Variants in PHF14 observed in about 807,000 individuals in gnomAD.
PHF14 encodes the protein PHD finger protein 14.
In PHF14, 55 loss-of-function variants were observed where a neutral mutation model predicts 117.9. The ratio of observed to expected loss-of-function variants is 0.47; its 90% CI spans 0.38 to 0.58. PHF14 has a LOEUF of 0.58. Ranked by LOEUF, PHF14 falls within the 20% of genes least tolerant of loss-of-function variation. PHF14 has a pLI of 0.00. For missense variants in PHF14, 978 were observed against 1,122.2 expected, an observed-to-expected ratio of 0.87 and a Z score of 1.84; for synonymous variants, 409 against 368.6, an observed-to-expected ratio of 1.11 and a Z score of -1.26.
intron 3 of PHF14, 101 bp downstream of exon 3, chr7:10,983,260 T>A (rs1469739885): frequency 2.4e-5 from 32 of 1,340,140 alleles, no homozygotes; most frequent in Non-Finnish European, 3.1e-5. Context: ...GAAATCCTAT[T>A]TATAGACGGC....
chr7:11,114,808 G>A (rs984551312), intron 17 of PHF14, among the ~76,000 whole-genome samples: 20 of 151,778 alleles, frequency 1.3e-4, no homozygotes, highest in African/African-American at 4.4e-4. Context: ...ATACCTTCTC[G>A]CATAGGCTAT....
intron 4 of PHF14, among the ~76,000 whole-genome samples, chr7:11,010,351 A>G (rs1010017174): frequency 6.6e-6 from 1 of 152,102 alleles, no homozygotes; most frequent in African/African-American, 2.4e-5. Flanking sequence ...GGTGATGAAG[A>G]TGATGATTGC....
At chr7:11,158,358 T>C (rs1167711823) in intron 17 of PHF14, among the ~76,000 whole-genome samples, 2 of 152,094 alleles carry the variant, frequency 1.3e-5, no homozygotes, top group Non-Finnish European at 2.9e-5. Context: ...TAGATTGAGT[T>C]TGTGCCTTAA....
At chr7:11,167,930 G>C (rs1789250033) in intron 17 of PHF14, among the ~76,000 whole-genome samples, 3 of 151,758 alleles carry the variant, frequency 2.0e-5, no homozygotes, top group East Asian at 3.9e-4. Flanking sequence ...GGAGGCTGAG[G>C]CAGGAGAATG....
At chr7:11,092,561 A>G (rs1198771056) in intron 16 of PHF14, among the ~76,000 whole-genome samples, 4 of 151,828 alleles carry the variant, frequency 2.6e-5, no homozygotes, top group African/African-American at 7.3e-5. Context: ...GAAGATTCCA[A>G]TCAGTAGGTG....
intron 17 of PHF14, among the ~76,000 whole-genome samples, chr7:11,146,794 G>A (rs932112242): frequency 6.6e-6 from 1 of 152,044 alleles, no homozygotes; most frequent in African/African-American, 2.4e-5. Flanking sequence ...TACAATAAAT[G>A]CAATTGACTC....
chr7:11,038,885 C>A, intron 11 of PHF14, 30 bp downstream of exon 11: 1 of 1,030,832 alleles, frequency 9.7e-7, no homozygotes, highest in Non-Finnish European at 1.5e-6. Flanking sequence ...CTGTCTCCTT[C>A]AGTTCTTGCT....
At chr7:11,151,124 T>C (rs1788690709) in intron 17 of PHF14, among the ~76,000 whole-genome samples, 1 of 152,184 alleles carries the variant, frequency 6.6e-6, no homozygotes, top group South Asian at 2.1e-4. Flanking sequence ...ATTTTCTGAG[T>C]AATTGTTGAA....
At chr7:11,063,256 C>G (rs752121185) in intron 16 of PHF14, 37 of 984,362 alleles carry the variant, frequency 3.8e-5, no homozygotes, top group Non-Finnish European at 4.2e-5. Flanking sequence ...TGGGAGCTAT[C>G]CTGAAGGTTA....
chr7:11,155,782 T>A (rs80264667), intron 17 of PHF14, among the ~76,000 whole-genome samples: 1 of 152,032 alleles, frequency 6.6e-6, no homozygotes, highest in Non-Finnish European at 1.5e-5. Flanking sequence ...TGTTTTTTTT[T>A]AGCAACTAGC....
At chr7:10,975,552 C>T (rs1238214359) in intron 2 of PHF14, among the ~76,000 whole-genome samples, 1 of 152,106 alleles carries the variant, frequency 6.6e-6, no homozygotes, top group Non-Finnish European at 1.5e-5. Context: ...TTGTACTAAA[C>T]TGGAAAACAG....
At chr7:11,085,508 A>G (rs534938248) in intron 16 of PHF14, among the ~76,000 whole-genome samples, 3 of 152,312 alleles carry the variant, frequency 2.0e-5, no homozygotes, top group East Asian at 3.9e-4. Flanking sequence ...TCTATTGTAG[A>G]TGTCAGTGGT....
intron 4 of PHF14, among the ~76,000 whole-genome samples, chr7:10,997,858 T>C (rs1298637754): frequency 3.9e-5 from 6 of 152,166 alleles, no homozygotes; most frequent in Non-Finnish European, 8.8e-5. Flanking sequence ...TATAATCTAA[T>C]ATTGGTAGTG....
chr7:11,040,862 G>A (rs1483912069), intron 12 of PHF14, 87 bp downstream of exon 12: 5 of 617,050 alleles, frequency 8.1e-6, no homozygotes, highest in Non-Finnish European at 1.3e-5. Context: ...GCAAATATTT[G>A]AGAATGAATT....
chr7:11,090,012 T>G (rs957720160), intron 16 of PHF14, among the ~76,000 whole-genome samples: 38 of 152,144 alleles, frequency 2.5e-4, no homozygotes, highest in African/African-American at 9.2e-4. Context: ...CTCAGGTGAT[T>G]CGCCCGCCTT....
chr7:10,974,623 A>G (rs1281364107), intron 1 of PHF14, among the ~76,000 whole-genome samples: 1 of 152,214 alleles, frequency 6.6e-6, no homozygotes, highest in African/African-American at 2.4e-5. Flanking sequence ...TGGCAGCATC[A>G]GGGCTGGAGC....
At chr7:11,035,569 T>C (rs1002010225) in intron 7 of PHF14, 71 bp from the exon 8 acceptor site, 1 of 894,066 alleles carries the variant, frequency 1.1e-6, no homozygotes, top group South Asian at 3.5e-5. Context: ...AGTAATATTC[T>C]TTTGTGTTAG....
intron 6 of PHF14, among the ~76,000 whole-genome samples, chr7:11,027,979 C>T (rs1583386153): frequency 6.6e-6 from 1 of 152,058 alleles, no homozygotes. Flanking sequence ...ATCTCTTCTT[C>T]ATAGTAGTTG....
intron 2 of PHF14, among the ~76,000 whole-genome samples, chr7:10,979,144 A>G (rs1781970968): frequency 6.6e-6 from 1 of 152,166 alleles, no homozygotes; most frequent in Non-Finnish European, 1.5e-5. Context: ...TTATGGGGAG[A>G]ACATTGGATA....
Sources: gnomAD v4.1 joint callset for allele counts (sites outside exome capture counted in the v4.1 genomes callset) on GRCh38, gnomAD v4.1.1 for gene constraint, MANE v1.5 for transcripts, NCBI Gene and HGNC (gene_info 2026-07-23, HGNC 2026-07-21) for gene names.